Variants in MDFIC observed in about 807,000 individuals in gnomAD.
MDFIC encodes the protein MyoD family inhibitor domain containing, also known as myoD family inhibitor domain-containing protein.
In MDFIC, 17 loss-of-function variants were observed where a neutral mutation model predicts 23.2. The observed-to-expected ratio is 0.73, with a 90% CI of 0.50 to 1.10. The LOEUF is 1.10. Among genes scored for constraint, MDFIC ranks in the 50% least tolerant of loss-of-function variants. The pLI, the probability that MDFIC is intolerant of heterozygous loss-of-function variation, is 0.00. For missense variants in MDFIC, 356 were observed against 316.6 expected, an observed-to-expected ratio of 1.12 and a Z score of -0.95; for synonymous variants, 120 against 115.2, an observed-to-expected ratio of 1.04 and a Z score of -0.27.
intron 3 of MDFIC, among the ~76,000 whole-genome samples, chr7:114,945,687 C>T (rs905220584): frequency 1.3e-5 from 2 of 152,128 alleles, no homozygotes; most frequent in African/African-American, 4.8e-5. Flanking sequence ...TTTTGGTTCT[C>T]TTTCCTATGA....
intron 3 of MDFIC, among the ~76,000 whole-genome samples, chr7:114,947,387 T>C (rs568597224): frequency 1.3e-5 from 2 of 152,196 alleles, no homozygotes; most frequent in Non-Finnish European, 2.9e-5. Context: ...ATGCTTTGAT[T>C]ATTGTTTTAG....
intron 2 of MDFIC, among the ~76,000 whole-genome samples, chr7:114,930,354 G>T (rs1196234974): frequency 6.6e-6 from 1 of 152,214 alleles, no homozygotes; most frequent in Admixed American, 6.5e-5. Context: ...ACGCATGTGT[G>T]GGAAGTGTTT....
Position 114,922,241 on chromosome 7 carries a change from G to T in MDFIC, c.-503G>T. The T allele has an allele frequency of 3.5e-6, 2 of 579,248 alleles. No homozygotes were observed. The highest frequency in any genetic ancestry group is 5.1e-6 in the Non-Finnish European group (2 of 392,764). 35.9% of individuals were successfully genotyped at this position (579,248 alleles called of 1,614,324 possible). A position where few individuals can be genotyped will look rare whatever the true frequency, so the allele number is the denominator to read the frequency against. On this transcript the variant is annotated 5_prime_UTR_variant, in exon 1 of 5. Transcript: ENST00000393486. ...CCCGGGTCGCGCCGCTCCCAGCATC[G>T]GGGCCGCTAGCCAAGAGTTCGAGGC...
chr7:114,942,648 ATTCAG>A (rs1792566408), intron 3 of MDFIC, among the ~76,000 whole-genome samples: 1 of 152,216 alleles, frequency 6.6e-6, no homozygotes. Flanking sequence ...TTCAGTCAAA[ATTCAG>A]TTCCTTTTTG....
intron 2 of MDFIC, among the ~76,000 whole-genome samples, chr7:114,938,247 T>A (rs747430396): frequency 6.6e-6 from 1 of 152,188 alleles, no homozygotes; most frequent in Admixed American, 6.5e-5. Flanking sequence ...TGAGCCACCA[T>A]GCCCAGCCAG....
chr7:115,006,119 C>T (rs1206127627), intron 4 of MDFIC, among the ~76,000 whole-genome samples: 2 of 152,160 alleles, frequency 1.3e-5, no homozygotes, highest in Non-Finnish European at 2.9e-5. Context: ...AGGTCTGCAC[C>T]TCCTGCTAGG....
At chr7:114,947,171 T>C (rs989303306) in intron 3 of MDFIC, among the ~76,000 whole-genome samples, 69 of 152,316 alleles carry the variant, frequency 4.5e-4, no homozygotes, top group African/African-American at 1.6e-3. Flanking sequence ...TAGTTAAGAC[T>C]GGAAGATATA....
At position 115,016,076 on chromosome 7, in the gene MDFIC, C is replaced by G; in HGVS notation, c.*141C>G. ...CATTATTGTAAGTAATCTCTGAAAG[C>G]CTTTTTACTTTAACCAAATCTACAT... On this transcript the variant is annotated 3_prime_UTR_variant, in exon 5 of 5. Transcript: ENST00000393486. 1.2e-6 allele frequency: 1 copy of G among 843,456 alleles called. No individual in the cohort carries two copies. Among genetic ancestry groups the G allele is most frequent in the Non-Finnish European group, 1.8e-6 (1 of 555,002 alleles). The allele number at this position is 843,456 out of a possible 1,614,324, so 52.2% of individuals were successfully genotyped here. A position where few individuals can be genotyped will look rare whatever the true frequency, so the allele number is the denominator to read the frequency against.
Position 115,007,940 on chromosome 7 carries a change from G to T in MDFIC, c.494-7748G>T, listed in dbSNP as rs796767585. On this transcript the variant is annotated intron_variant, in intron 4 of 4. Transcript: ENST00000393486. Reference sequence around the variant, plus strand: ...TCAAACTCCTGGGCTCAAGGGATCCGCCCACCTTGGGATTCTGCCTGCCTC... The same window carrying T: ...TCAAACTCCTGGGCTCAAGGGATCCTCCCACCTTGGGATTCTGCCTGCCTC... Among the ~76,000 whole-genome samples, 88 of 148,528 alleles carry T rather than the reference G, an allele frequency of 5.9e-4. 1 individual carries two copies. Among genetic ancestry groups the T allele is most frequent in the African/African-American group, 1.9e-3 (76 of 40,058 alleles).
chr7:114,938,003 TGGA>T (rs1049230465), intron 2 of MDFIC, among the ~76,000 whole-genome samples: 1 of 152,232 alleles, frequency 6.6e-6, no homozygotes, highest in African/African-American at 2.4e-5. Flanking sequence ...TTGCCCAGGC[TGGA>T]GTGCAGTGGC....
intron 3 of MDFIC, among the ~76,000 whole-genome samples, chr7:114,971,456 G>A (rs1793203409): frequency 6.6e-6 from 1 of 152,136 alleles, no homozygotes; most frequent in Non-Finnish European, 1.5e-5. Context: ...TCCAAAAGCA[G>A]GGCTGGGTCT....
At chr7:114,930,837 G>A (rs967261935) in intron 2 of MDFIC, among the ~76,000 whole-genome samples, 1 of 152,136 alleles carries the variant, frequency 6.6e-6, no homozygotes, top group Non-Finnish European at 1.5e-5. Flanking sequence ...CTGTACAAAG[G>A]CAGAGGATAA....
At chr7:114,930,115 A>G (rs1445906573) in intron 2 of MDFIC, among the ~76,000 whole-genome samples, 2 of 152,310 alleles carry the variant, frequency 1.3e-5, no homozygotes, top group African/African-American at 4.8e-5. Context: ...GGGATAGTCA[A>G]TCTGGGGCAA....
chr7:114,923,179 A>G (rs1182567470), intron 2 of MDFIC, 52 bp downstream of exon 2: 13 of 1,526,174 alleles, frequency 8.5e-6, no homozygotes, highest in Non-Finnish European at 1.1e-5. Context: ...TGCATTTTTC[A>G]GTTTGCTCAC....
chr7:114,983,490 A>G (rs957783461), intron 4 of MDFIC, among the ~76,000 whole-genome samples: 2 of 151,838 alleles, frequency 1.3e-5, no homozygotes, highest in Non-Finnish European at 2.9e-5. Context: ...TGGGTTGGCA[A>G]GATGTTTTAA....
At chr7:114,965,391 T>C (rs1406949683) in intron 3 of MDFIC, among the ~76,000 whole-genome samples, 1 of 152,142 alleles carries the variant, frequency 6.6e-6, no homozygotes, top group African/African-American at 2.4e-5. Context: ...ACATTTTGTT[T>C]TTGGTTTTAT....
intron 4 of MDFIC, among the ~76,000 whole-genome samples, chr7:114,982,337 A>C (rs1251588287): frequency 6.6e-6 from 1 of 152,216 alleles, no homozygotes; most frequent in Non-Finnish European, 1.5e-5. Flanking sequence ...TAAAGCAATA[A>C]GAATGGGGAG....
At chr7:114,978,164 C>A (rs1006824802) in intron 3 of MDFIC, among the ~76,000 whole-genome samples, 1 of 151,736 alleles carries the variant, frequency 6.6e-6, no homozygotes, top group African/African-American at 2.4e-5. Context: ...TATGTCTATG[C>A]CTGGTCCAAT....
intron 1 of MDFIC, 106 bp downstream of exon 1, chr7:114,922,742 C>G: frequency 7.5e-7 from 1 of 1,337,568 alleles, no homozygotes; most frequent in Non-Finnish European, 9.8e-7. Flanking sequence ...GGGTCCACCT[C>G]GGACCCCTGG....
Sources: allele counts gnomAD v4.1 joint callset (sites outside exome capture counted in the v4.1 genomes callset), GRCh38; gene constraint gnomAD v4.1.1; transcripts MANE v1.5; gene names NCBI Gene and HGNC (gene_info 2026-07-23, HGNC 2026-07-21).